Variants in CCDC148 observed in about 807,000 individuals in gnomAD.
CCDC148 encodes the protein coiled-coil domain containing 148.
Under a neutral mutation model 85.7 loss-of-function variants are expected in CCDC148, and 89 were observed. The observed-to-expected ratio is 1.04, with a 90% CI of 0.87 to 1.24. The LOEUF is 1.24. Ranked by LOEUF, CCDC148 falls within the 50% of genes most tolerant of loss-of-function variation. The probability of loss-of-function intolerance (pLI) is 0.00; values close to 1 mark genes in which losing one functional copy is unlikely to be tolerated. For missense variants in CCDC148, 692 were observed against 671.7 expected (o/e 1.03, Z -0.33); for synonymous variants, 230 against 213.9 (o/e 1.08, Z -0.66).
intron 9 of CCDC148, among the ~76,000 whole-genome samples, chr2:158,286,393 A>T (rs753625188): frequency 3.9e-5 from 6 of 152,226 alleles, no homozygotes; most frequent in Non-Finnish European, 7.3e-5. Context: ...GTAAGTGAAA[A>T]TGTATACAAT....
chr2:158,433,091 A>AATATATATATATATATATAT (rs1553521584), intron 1 of CCDC148, among the ~76,000 whole-genome samples: 7 of 51,332 alleles, frequency 1.4e-4, no homozygotes, highest in Admixed American at 3.2e-4. Flanking sequence ...AAAAAAAAAA[A>AATATATATATATATATATAT]ATATATATAT....
At chr2:158,311,121 G>A (rs79326272) in intron 8 of CCDC148, among the ~76,000 whole-genome samples, 2 of 152,172 alleles carry the variant, frequency 1.3e-5, no homozygotes, top group African/African-American at 2.4e-5. Context: ...CAAGGCAGGC[G>A]GCTGGGAGGT....
At chr2:158,224,418 CA>C (rs1318201135) in intron 10 of CCDC148, among the ~76,000 whole-genome samples, 1 of 152,164 alleles carries the variant, frequency 6.6e-6, no homozygotes, top group African/African-American at 2.4e-5. Context: ...AGTACTTCCC[CA>C]ATCTAGCAAG....
At chr2:158,205,560 C>A (rs1009015883) in intron 11 of CCDC148, among the ~76,000 whole-genome samples, 2 of 152,016 alleles carry the variant, frequency 1.3e-5, no homozygotes, top group Non-Finnish European at 2.9e-5. Flanking sequence ...TGGGTGTGTC[C>A]AGAGACATAG....
At chr2:158,205,328 G>A (rs1686181885) in intron 11 of CCDC148, among the ~76,000 whole-genome samples, 1 of 152,106 alleles carries the variant, frequency 6.6e-6, no homozygotes. Context: ...TACAGAAAAG[G>A]GAATGCTGGA....
intron 9 of CCDC148, among the ~76,000 whole-genome samples, chr2:158,270,012 G>A (rs750343752): frequency 2.6e-5 from 4 of 152,098 alleles, no homozygotes; most frequent in Admixed American, 6.6e-5. Context: ...TCTTTGGTGA[G>A]TAATATTTTT....
chr2:158,373,306 C>G (rs1389967655), intron 1 of CCDC148, among the ~76,000 whole-genome samples: 1 of 152,060 alleles, frequency 6.6e-6, no homozygotes, highest in Non-Finnish European at 1.5e-5. Context: ...GCCCTGCCCA[C>G]AGCTTGCTGT....
At chr2:158,353,841 A>C (rs1228644684) in intron 2 of CCDC148, among the ~76,000 whole-genome samples, 1 of 152,174 alleles carries the variant, frequency 6.6e-6, no homozygotes, top group Admixed American at 6.5e-5. Flanking sequence ...AGCTCTCCTC[A>C]GCAAATGTAA....
chr2:158,419,753 C>A (rs1195129748), intron 1 of CCDC148, among the ~76,000 whole-genome samples: 1 of 152,156 alleles, frequency 6.6e-6, no homozygotes, highest in African/African-American at 2.4e-5. Flanking sequence ...AGAACTACCT[C>A]TACAAGCCCA....
At chr2:158,333,557 T>A (rs2356085) in intron 7 of CCDC148, among the ~76,000 whole-genome samples, 117,904 of 151,920 alleles carry the variant, frequency 0.78, 46,071 homozygotes, top group East Asian at 0.95. Flanking sequence ...GCTGTGTTCA[T>A]TTCCTGGATA....
intron 3 of CCDC148, among the ~76,000 whole-genome samples, chr2:158,342,441 C>T (rs1294750822): frequency 1.3e-5 from 2 of 152,134 alleles, no homozygotes; most frequent in Non-Finnish European, 1.5e-5. Context: ...TTTAAGATCA[C>T]ATTTGCAACT....
chr2:158,223,024 C>G (rs1385858688), intron 10 of CCDC148, among the ~76,000 whole-genome samples: 1 of 152,136 alleles, frequency 6.6e-6, no homozygotes, highest in Admixed American at 6.5e-5. Flanking sequence ...TGAGGCATCG[C>G]CTCACCTGGG....
chr2:158,190,228 T>C (rs1047965006), intron 11 of CCDC148, among the ~76,000 whole-genome samples: 1 of 151,934 alleles, frequency 6.6e-6, no homozygotes, highest in Middle Eastern at 3.2e-3. Context: ...ACAGACTTGC[T>C]AGGATCATGA....
At chr2:158,431,363 C>T (rs1037695580) in intron 1 of CCDC148, among the ~76,000 whole-genome samples, 1 of 151,124 alleles carries the variant, frequency 6.6e-6, no homozygotes, top group African/African-American at 2.4e-5. Flanking sequence ...GGGAGACATT[C>T]TATATAGAAA....
At chr2:158,310,275 A>C (rs1285041479) in intron 8 of CCDC148, among the ~76,000 whole-genome samples, 2 of 152,196 alleles carry the variant, frequency 1.3e-5, no homozygotes, top group Non-Finnish European at 2.9e-5. Flanking sequence ...CCAAGGCAGA[A>C]GAATTTTTCT....
At chr2:158,286,684 G>A (rs1215688993) in intron 9 of CCDC148, among the ~76,000 whole-genome samples, 1 of 152,164 alleles carries the variant, frequency 6.6e-6, no homozygotes, top group East Asian at 1.9e-4. Flanking sequence ...TTCAGAAGTA[G>A]ATTTAGAGAC....
intron 1 of CCDC148, among the ~76,000 whole-genome samples, chr2:158,405,833 TTAAAG>T (rs1365983181): frequency 2.6e-5 from 4 of 152,132 alleles, no homozygotes; most frequent in South Asian, 2.1e-4. Context: ...TTGTAATAGT[TTAAAG>T]TAACTCATAT....
In CCDC148 at chr2:158,175,113, AC is replaced by A. The variant is rs550980047; in HGVS notation, c.1629+1407del. 5.3e-5 allele frequency among the ~76,000 whole-genome samples: 8 copies of A among 152,096 alleles called. No individual in the cohort carries two copies. The East Asian group carries it at 1.6e-3, about 30-fold the overall frequency. On this transcript the variant is annotated intron_variant, in intron 13 of 13. Coordinates refer to ENST00000283233, the MANE Select transcript of CCDC148 (RefSeq NM_138803.4). ...GTCATGTATCTTACACTGAAGACAT[AC>A]TAGGAAAAAGCCTTGCCCCACCCTC...
At chr2:158,404,286 T>C (rs1685908934) in intron 1 of CCDC148, among the ~76,000 whole-genome samples, 1 of 152,064 alleles carries the variant, frequency 6.6e-6, no homozygotes, top group South Asian at 2.1e-4. Flanking sequence ...CTGTGCAGCA[T>C]AGTCATGTAT....
Sources: allele counts gnomAD v4.1 joint callset (sites outside exome capture counted in the v4.1 genomes callset), GRCh38; gene constraint gnomAD v4.1.1; transcripts MANE v1.5; gene names NCBI Gene and HGNC (gene_info 2026-07-23, HGNC 2026-07-21).